Variants in COL22A1 observed in about 807,000 individuals in gnomAD.
COL22A1 encodes collagen alpha-1(XXII) chain.
A neutral mutation model predicts 248.9 loss-of-function variants in COL22A1; 221 were observed. That is an observed-to-expected ratio of 0.89 (90% CI 0.80 to 0.99). The LOEUF is 0.99. Among genes scored for constraint, COL22A1 ranks in the 50% least tolerant of loss-of-function variants. The pLI is 0.00. For synonymous variants in COL22A1, 891 were observed against 793.4 expected (o/e 1.12, Z -2.07); for missense variants, 2,240 against 2,179.0 (o/e 1.03, Z -0.56).
chr8:138,646,440 G>C (rs895909555), intron 47 of COL22A1, among the ~76,000 whole-genome samples, 189 bp downstream of exon 47: 9 of 152,158 alleles, frequency 5.9e-5, no homozygotes, highest in African/African-American at 2.2e-4. Flanking sequence ...ATGAGCAACT[G>C]GGATTCCACA....
chr8:138,608,509 G>C (rs1016918227), intron 56 of COL22A1, among the ~76,000 whole-genome samples: 1 of 152,154 alleles, frequency 6.6e-6, no homozygotes, highest in Non-Finnish European at 1.5e-5. Flanking sequence ...AAAATGGCTT[G>C]TGCAGAGTCA....
At position 138,746,617 on chromosome 8, in the gene COL22A1, G is replaced by A. The variant is rs149637922; in HGVS notation, c.2085+4841C>T. Reference sequence around the variant, plus strand: ...GGCCCCCAAAACCCACTTGCTCATCGTCCTTCATTCACTAGAGGAAGCAAG... The same window carrying A: ...GGCCCCCAAAACCCACTTGCTCATCATCCTTCATTCACTAGAGGAAGCAAG... On this transcript the variant is annotated intron_variant, in intron 22 of 64. Coordinates refer to ENST00000303045, the MANE Select transcript of COL22A1 (RefSeq NM_152888.3). Among the ~76,000 whole-genome samples the A allele has an allele frequency of 2.5e-3, 386 of 152,296 alleles. 3 individuals carry two copies. The highest frequency in any genetic ancestry group is 5.3e-3 in the African/African-American group (221 of 41,550).
rs1252144934 is a variant in COL22A1, at chr8:138,734,534, G to T, written c.2139+2990C>A. On this transcript the variant is annotated intron_variant, in intron 23 of 64. Transcript: ENST00000303045. The stretch of plus-strand genomic sequence containing the variant: ...ATGGCTGAGATGCATAGAAACCCAG[G>T]CTCTGGCCGTGGAGAAACAGGAACG... Among the ~76,000 whole-genome samples the T allele has an allele frequency of 2.0e-5, 3 of 152,210 alleles. No individual in the cohort carries two copies. In the East Asian group the frequency reaches 5.8e-4, roughly 29 times the overall value.
At chr8:138,869,849 T>C (rs1183088671) in intron 3 of COL22A1, among the ~76,000 whole-genome samples, 1 of 152,066 alleles carries the variant, frequency 6.6e-6, no homozygotes, top group Non-Finnish European at 1.5e-5. Flanking sequence ...CTGCTGCCCA[T>C]CCCTCCCAGC....
At chr8:138,691,590 TGAA>T (rs1436489057) in intron 35 of COL22A1, among the ~76,000 whole-genome samples, 7 of 151,962 alleles carry the variant, frequency 4.6e-5, no homozygotes, top group African/African-American at 1.7e-4. Context: ...TGTGCATTTG[TGAA>T]GGTGTGTGTG....
intron 1 of COL22A1, among the ~76,000 whole-genome samples, chr8:138,897,795 C>T (rs10094560): frequency 0.63 from 94,493 of 151,018 alleles, 30,428 homozygotes; most frequent in East Asian, 0.85. Context: ...TGAAAAACAA[C>T]AACAGAAAAA....
intron 41 of COL22A1, among the ~76,000 whole-genome samples, chr8:138,674,398 C>G (rs1426509316): frequency 6.6e-6 from 1 of 152,194 alleles, no homozygotes; most frequent in Non-Finnish European, 1.5e-5. Flanking sequence ...TTTGCACACT[C>G]CATACAGATT....
At chr8:138,737,628 G>C (rs1831226322) in intron 22 of COL22A1, 51 bp from the exon 23 acceptor site, 2 of 1,258,058 alleles carry the variant, frequency 1.6e-6, no homozygotes, top group Non-Finnish European at 1.2e-6. Flanking sequence ...TTGTCAACCA[G>C]AGGGGGTTTA....
chr8:138,636,592 T>C (rs1029907775), intron 48 of COL22A1, 150 bp downstream of exon 48: 2 of 612,776 alleles, frequency 3.3e-6, no homozygotes, highest in African/African-American at 1.9e-5. Flanking sequence ...GAACCAGAGA[T>C]ACCAAGATGA....
At chr8:138,755,657 G>A (rs1271098612) in intron 19 of COL22A1, 128 bp downstream of exon 19, 2 of 1,343,406 alleles carry the variant, frequency 1.5e-6, no homozygotes, top group East Asian at 4.6e-5. Flanking sequence ...CCCATTTTTA[G>A]TGTTGAAAGC....
chr8:138,819,656 TA>T (rs1211953652), intron 7 of COL22A1, among the ~76,000 whole-genome samples: 1 of 145,856 alleles, frequency 6.9e-6, no homozygotes, highest in African/African-American at 2.6e-5. Context: ...ATAAATTAAA[TA>T]AACATTATCT....
intron 30 of COL22A1, among the ~76,000 whole-genome samples, chr8:138,714,275 A>G (rs895342296): frequency 2.6e-5 from 4 of 152,090 alleles, no homozygotes; most frequent in Non-Finnish European, 4.4e-5. Context: ...CACGTGCAAA[A>G]CACGCTTATG....
Position 138,672,275 on chromosome 8 carries a change from T to C in COL22A1, c.3150+4283A>G, listed in dbSNP as rs141505224. Among the ~76,000 whole-genome samples the C allele has an allele frequency of 1.3e-4, 20 of 152,344 alleles. 1 individual carries two copies. The East Asian group carries it at 3.9e-3, about 29-fold the overall frequency. On this transcript the variant is annotated intron_variant, in intron 41 of 64. Transcript: ENST00000303045. ...TTTCTGGGAGAAACAAATGAGAGAC[T>C]ATCTGTGAGATAAATGAGAGGTAGA...
intron 12 of COL22A1, among the ~76,000 whole-genome samples, chr8:138,793,844 G>A (rs770418749): frequency 6.6e-6 from 1 of 152,178 alleles, no homozygotes; most frequent in Non-Finnish European, 1.5e-5. Flanking sequence ...GGAGGCTTCC[G>A]GTCCCTGCCT....
At chr8:138,838,670 CAAAAA>C (rs58257635) in intron 4 of COL22A1, among the ~76,000 whole-genome samples, 1 of 133,814 alleles carries the variant, frequency 7.5e-6, no homozygotes, top group Non-Finnish European at 1.6e-5. Context: ...CAAAGGGCAC[CAAAAA>C]AAAAAAAAGA....
chr8:138,800,932 A>C (rs1458582765), intron 11 of COL22A1, among the ~76,000 whole-genome samples: 1 of 151,634 alleles, frequency 6.6e-6, no homozygotes, highest in Non-Finnish European at 1.5e-5. Flanking sequence ...ATGAGTTACC[A>C]CTCTTCTCTG....
At chr8:138,722,855 G>GGT (rs1181898314) in intron 25 of COL22A1, among the ~76,000 whole-genome samples, 2 of 128,764 alleles carry the variant, frequency 1.6e-5, no homozygotes, top group Admixed American at 7.8e-5. Context: ...GGGGGCGGGG[G>GGT]GGGGGTGGTG....
At chr8:138,892,051 T>A (rs1372063839) in intron 1 of COL22A1, among the ~76,000 whole-genome samples, 1 of 152,226 alleles carries the variant, frequency 6.6e-6, no homozygotes, top group Non-Finnish European at 1.5e-5. Context: ...TAATATTTTG[T>A]TGAGGATCTT....
At chr8:138,862,044 A>AAG (rs1822520607) in intron 3 of COL22A1, among the ~76,000 whole-genome samples, 2 of 148,684 alleles carry the variant, frequency 1.3e-5, no homozygotes, top group East Asian at 2.0e-4. Context: ...AAAAAAAAAA[A>AAG]AAAGAAAAAA....
Sources: gnomAD v4.1 joint callset for allele counts (sites outside exome capture counted in the v4.1 genomes callset) on GRCh38, gnomAD v4.1.1 for gene constraint, MANE v1.5 for transcripts, NCBI Gene and HGNC (gene_info 2026-07-23, HGNC 2026-07-21) for gene names.